CADPS: variants seen among roughly 807,000 people sequenced by gnomAD.
CADPS encodes calcium-dependent secretion activator 1.
In CADPS, 57 loss-of-function variants were observed where a neutral mutation model predicts 167.3. The observed-to-expected ratio is 0.34, with a 90% CI of 0.28 to 0.42. The LOEUF (loss-of-function observed/expected upper bound fraction) is 0.42, where lower values mean the gene tolerates loss of function less well. Among genes scored for constraint, CADPS ranks in the 20% least tolerant of loss-of-function variants. The pLI is 1.00. For synonymous variants in CADPS, 676 were observed against 635.3 expected, an observed-to-expected ratio of 1.06 and a Z score of -0.96; for missense variants, 1,414 against 1,738.1, an observed-to-expected ratio of 0.81 and a Z score of 3.32.
At chr3:62,579,674 C>G (rs2083000555) in intron 8 of CADPS, among the ~76,000 whole-genome samples, 1 of 152,060 alleles carries the variant, frequency 6.6e-6, no homozygotes, top group Non-Finnish European at 1.5e-5. Context: ...GCAAGGAGGC[C>G]AGTGTGGCTG....
rs889813055 is a variant in CADPS, at chr3:62,696,989, G to C, written c.889-34595C>G. Among the ~76,000 whole-genome samples, 59 of 152,202 alleles carry C rather than the reference G, an allele frequency of 3.9e-4. 1 individual carries two copies. The highest frequency in any genetic ancestry group is 1.4e-3 in the African/African-American group (57 of 41,504). On this transcript the variant is annotated intron_variant, in intron 3 of 29. Transcript: ENST00000383710. ...AAATTATCTGAATCAATCCTTAGAA[G>C]AACCCTGAGAGATGTAGCAAGGCAG...
intron 26 of CADPS, among the ~76,000 whole-genome samples, chr3:62,463,405 A>G (rs897565512): frequency 1.3e-5 from 2 of 152,202 alleles, no homozygotes; most frequent in Non-Finnish European, 2.9e-5. Flanking sequence ...GGTGTCAGGG[A>G]AACATTTTCC....
Position 62,458,687 on chromosome 3 carries a change from C to T in CADPS, c.3636+6680G>A, listed in dbSNP as rs1437231860. On this transcript the variant is annotated intron_variant, in intron 26 of 29. Transcript: ENST00000383710. This position sits in a 1 kb window ranked among gnomAD's most constrained non-coding sequence, Gnocchi z 4.6. ...TATTTTTAGTAGAGATGGAGTTTCA[C>T]CATGTTGGCCAGGCTGGTCTCAAAT... 1.3e-5 allele frequency among the ~76,000 whole-genome samples: 2 copies of T among 152,062 alleles called. No homozygotes were observed. Among genetic ancestry groups the T allele is most frequent in the Non-Finnish European group, 2.9e-5 (2 of 68,016 alleles).
intron 3 of CADPS, among the ~76,000 whole-genome samples, chr3:62,726,057 A>C (rs1029799623): frequency 5.3e-5 from 8 of 151,780 alleles, no homozygotes; most frequent in Middle Eastern, 3.4e-3. Flanking sequence ...TATGGTTAAG[A>C]ATGCTACTCT....
chr3:62,798,302 C>G (rs2093566610), intron 1 of CADPS, among the ~76,000 whole-genome samples: 1 of 152,100 alleles, frequency 6.6e-6, no homozygotes, highest in South Asian at 2.1e-4. Context: ...ATAAAGCAGG[C>G]AGAAGAACGT....
chr3:62,575,132 C>T (rs6445278), intron 8 of CADPS, among the ~76,000 whole-genome samples: 56,450 of 151,944 alleles, frequency 0.37, 11,531 homozygotes, highest in African/African-American at 0.55. Context: ...TTTGCAAAAA[C>T]GAATATAGCT....
intron 2 of CADPS, among the ~76,000 whole-genome samples, chr3:62,763,297 T>C (rs2085989160): frequency 6.6e-6 from 1 of 151,996 alleles, no homozygotes; most frequent in African/African-American, 2.4e-5. Flanking sequence ...GCTAAACTGG[T>C]AGGATGTGCC....
At chr3:62,589,432 G>T (rs962383075) in intron 7 of CADPS, among the ~76,000 whole-genome samples, 15 of 152,262 alleles carry the variant, frequency 9.9e-5, no homozygotes, top group African/African-American at 3.6e-4. Flanking sequence ...ATTATGAAAT[G>T]AGTGTGTGTG....
chr3:62,806,505 G>A lies in CADPS; in HGVS notation c.442-40521C>T, dbSNP rs149069108. Reference sequence around the variant, plus strand: ...TGTGATCTCCACTGCACTCCAGTCTGGACAACAGAGCAAAACCCTGTCTCC... The same window carrying A: ...TGTGATCTCCACTGCACTCCAGTCTAGACAACAGAGCAAAACCCTGTCTCC... On this transcript the variant is annotated intron_variant, in intron 1 of 29. Transcript: ENST00000383710. Among the ~76,000 whole-genome samples, 299 of 152,150 alleles carry A rather than the reference G, an allele frequency of 2.0e-3. 1 individual carries two copies. The highest frequency in any genetic ancestry group is 2.7e-3 in the Admixed American group (41 of 15,272).
At chr3:62,690,053 C>A (rs2078822232) in intron 3 of CADPS, among the ~76,000 whole-genome samples, 1 of 151,828 alleles carries the variant, frequency 6.6e-6, no homozygotes. Flanking sequence ...CAAGCAGCTA[C>A]CATGTCAACC....
chr3:62,492,553 G>T (rs2063924709), intron 19 of CADPS, 107 bp from the exon 20 acceptor site: 1 of 1,066,928 alleles, frequency 9.4e-7, no homozygotes, highest in Middle Eastern at 2.1e-4. Flanking sequence ...GGTGCATCCA[G>T]CAGGGTTTGG....
At chr3:62,854,848 T>A (rs904683521) in intron 1 of CADPS, among the ~76,000 whole-genome samples, 1 of 152,166 alleles carries the variant, frequency 6.6e-6, no homozygotes, top group African/African-American at 2.4e-5. Context: ...AAGTTGACTG[T>A]CCTTTATATT....
At chr3:62,693,463 A>G (rs2079596176) in intron 3 of CADPS, among the ~76,000 whole-genome samples, 1 of 152,100 alleles carries the variant, frequency 6.6e-6, no homozygotes, top group Non-Finnish European at 1.5e-5. Context: ...ATTGATGGGA[A>G]CATATTTTAA....
intron 7 of CADPS, 23 bp downstream of exon 7, chr3:62,592,614 C>T (rs200387841): frequency 1.8e-4 from 284 of 1,569,756 alleles, no homozygotes; most frequent in Non-Finnish European, 2.2e-4. Context: ...TGTGGAGTTC[C>T]CCTTGTGATA....
At position 62,525,805 on chromosome 3, in the gene CADPS, A is replaced by T. The variant is rs1327591668; in HGVS notation, c.2291+7066T>A. On this transcript the variant is annotated intron_variant, in intron 13 of 29. Coordinates refer to ENST00000383710, the MANE Select transcript of CADPS (RefSeq NM_003716.4). The stretch of plus-strand genomic sequence containing the variant: ...AATGTGTTACTCATTTACTACTAGG[A>T]AGGCATTCACCAAAAAGAAATAAAA... 2.0e-5 allele frequency among the ~76,000 whole-genome samples: 3 copies of T among 152,058 alleles called. No individual in the cohort carries two copies. In the East Asian group the frequency reaches 5.8e-4, roughly 29 times the overall value.
intron 18 of CADPS, among the ~76,000 whole-genome samples, chr3:62,494,914 C>T (rs1314898538): frequency 6.6e-6 from 1 of 152,024 alleles, no homozygotes; most frequent in Non-Finnish European, 1.5e-5. Context: ...CCACCTGCCT[C>T]GGCCTCCCAA....
intron 1 of CADPS, among the ~76,000 whole-genome samples, chr3:62,778,432 T>TTC (rs2090852778): frequency 6.6e-6 from 1 of 152,236 alleles, no homozygotes; most frequent in Non-Finnish European, 1.5e-5. Flanking sequence ...TCCCTTCACT[T>TTC]TCTTCACTTG....
At chr3:62,703,627 G>A (rs1408603017) in intron 3 of CADPS, among the ~76,000 whole-genome samples, 2 of 152,110 alleles carry the variant, frequency 1.3e-5, no homozygotes, top group African/African-American at 4.8e-5. Flanking sequence ...TGAGGAGGGA[G>A]TTAGAATGAA....
rs1026545909 is a variant in CADPS, at chr3:62,874,410, G to C, written c.441+179C>G. ...TCAGCTCCAGGAGCGCTCCAGGCTG[G>C]GTTGGGCTGGGCCTGGGCGAGCCCG... On this transcript the variant is annotated intron_variant, in intron 1 of 29. Coordinates refer to ENST00000383710, the MANE Select transcript of CADPS (RefSeq NM_003716.4). The surrounding 1 kb of genome is among the most constrained non-coding windows in gnomAD (Gnocchi z 7.1). Among the ~76,000 whole-genome samples the C allele has an allele frequency of 5.3e-5, 8 of 152,148 alleles. No homozygotes were observed. Among genetic ancestry groups the C allele is most frequent in the African/African-American group, 1.7e-4 (7 of 41,472 alleles).
Sources: allele counts gnomAD v4.1 joint callset (sites outside exome capture counted in the v4.1 genomes callset), GRCh38; gene constraint gnomAD v4.1.1; non-coding constraint Gnocchi (gnomAD v3.1); transcripts MANE v1.5; gene names NCBI Gene and HGNC (gene_info 2026-07-23, HGNC 2026-07-21).